Variants in GVQW3 observed in about 807,000 individuals in gnomAD.
GVQW3 encodes the protein GVQW motif containing 3, also known as protein GVQW3.
In GVQW3, 7 loss-of-function variants were observed where a neutral mutation model predicts 12.5. That is an observed-to-expected ratio of 0.56 (90% confidence interval 0.32 to 1.05). GVQW3 has a LOEUF of 1.05. GVQW3 is among the 50% of genes least tolerant of loss of function. The pLI, the probability that GVQW3 is intolerant of heterozygous loss-of-function variation, is 0.04. For synonymous variants in GVQW3, 71 were observed against 67.2 expected, an observed-to-expected ratio of 1.06 and a Z score of -0.28; for missense variants, 188 against 190.8, an observed-to-expected ratio of 0.99 and a Z score of 0.09.
At chr11:76,388,295 A>G (rs1030309168) in intron 1 of GVQW3, among the ~76,000 whole-genome samples, 2 of 152,234 alleles carry the variant, frequency 1.3e-5, no homozygotes, top group Non-Finnish European at 2.9e-5. Context: ...GCAAATATAT[A>G]TATGTATTAC....
intron 1 of GVQW3, 95 bp downstream of exon 1, chr11:76,382,388 G>A (rs1238259970): frequency 2.4e-6 from 2 of 820,136 alleles, no homozygotes; most frequent in Admixed American, 2.0e-5. Context: ...TACTCTGCCA[G>A]TCAGCTTCTG....
downstream of GVQW3, among the ~76,000 whole-genome samples, chr11:76,409,559 A>G (rs1212581494): frequency 3.3e-5 from 5 of 152,224 alleles, no homozygotes; most frequent in African/African-American, 9.7e-5. Context: ...AGGGAAATCT[A>G]TCCTGATTTC....
intron 1 of GVQW3, among the ~76,000 whole-genome samples, chr11:76,387,202 G>A (rs1240157807): frequency 3.3e-5 from 5 of 152,114 alleles, no homozygotes; most frequent in Non-Finnish European, 4.4e-5. Context: ...TTGGGAGGCC[G>A]AGGCGGGTGG....
rs1015839468 is a variant in GVQW3 at position 76,403,980 on chromosome 11, C to T, written c.*222C>T. 3 of 680,708 alleles carry T rather than the reference C, an allele frequency of 4.4e-6. No individual in the cohort carries two copies. The highest frequency in any genetic ancestry group is 1.8e-5 in the African/African-American group (1 of 56,542). 42.2% of individuals were successfully genotyped at this position (680,708 alleles called of 1,614,324 possible). Reference sequence around the variant, plus strand: ...TAGGGAGGGCTGCCTCTTCATTACTCGGTCTACCAATTCAAATGCTAATCT... The same window carrying T: ...TAGGGAGGGCTGCCTCTTCATTACTTGGTCTACCAATTCAAATGCTAATCT... On this transcript the variant is annotated 3_prime_UTR_variant, in exon 2 of 2. Transcript: ENST00000529331.
chr11:76,412,145 A>C (rs1399318350), downstream of GVQW3: 1 of 152,236 alleles, frequency 6.6e-6, no homozygotes, highest in African/African-American at 2.4e-5. Flanking sequence ...CACATGCCAG[A>C]CATTGTGTGA....
In GVQW3 at chr11:76,405,681, T is replaced by C. The variant is rs1947032514; in HGVS notation, c.*1923T>C. The C allele has an allele frequency of 6.6e-6, 1 of 152,284 alleles. No individual in the cohort carries two copies. Among genetic ancestry groups the C allele is most frequent in the Admixed American group, 6.6e-5 (1 of 15,266 alleles). 9.4% of individuals were successfully genotyped at this position (152,284 alleles called of 1,614,324 possible). A position where few individuals can be genotyped will look rare whatever the true frequency, so the allele number is the denominator to read the frequency against. ...GATGAAGAAAGAATAGGGAAGGAGATCAGATCAGTACTGTTGTCCAGGCTG... is the reference window on the plus strand; with the variant it reads ...GATGAAGAAAGAATAGGGAAGGAGACCAGATCAGTACTGTTGTCCAGGCTG... On this transcript the variant is annotated 3_prime_UTR_variant, in exon 2 of 2. Transcript: ENST00000529331.
chr11:76,385,750 G>T (rs961320900), intron 1 of GVQW3, among the ~76,000 whole-genome samples: 1 of 152,124 alleles, frequency 6.6e-6, no homozygotes, highest in African/African-American at 2.4e-5. Flanking sequence ...AAAGAAGCAG[G>T]GTGGGGTGAC....
intron 1 of GVQW3, among the ~76,000 whole-genome samples, chr11:76,385,109 T>C (rs143575629): frequency 6.6e-6 from 1 of 152,202 alleles, no homozygotes; most frequent in African/African-American, 2.4e-5. Flanking sequence ...GAGTGTAGAG[T>C]ACCAGAAGCT....
intron 1 of GVQW3, among the ~76,000 whole-genome samples, chr11:76,391,989 TTTACTGAA>T (rs1946897140): frequency 6.6e-6 from 1 of 152,138 alleles, no homozygotes; most frequent in Non-Finnish European, 1.5e-5. Flanking sequence ...TGAACGGTCA[TTTACTGAA>T]TTCCTTCTTC....
At position 76,381,734 on chromosome 11, in the gene GVQW3, A is replaced by G; in HGVS notation, c.-95A>G. 1.8e-6 allele frequency: 2 copies of G among 1,128,834 alleles called. No individual in the cohort carries two copies. The highest frequency in any genetic ancestry group is 2.4e-6 in the Non-Finnish European group (2 of 825,900). 69.9% of individuals were successfully genotyped at this position (1,128,834 alleles called of 1,614,324 possible). A position where few individuals can be genotyped will look rare whatever the true frequency, so the allele number is the denominator to read the frequency against. On this transcript the variant is annotated 5_prime_UTR_variant, in exon 1 of 2. Transcript: ENST00000529331. ...GGCTTCTAGAAGAGCAAGAAGAGCG[A>G]TATGATTACACCTGCAGCCCTATAA... is the stretch of plus-strand genomic sequence containing the variant.
Position 76,381,826 on chromosome 11 carries a change from A to C in GVQW3, c.-3A>C. On this transcript the variant is annotated 5_prime_UTR_variant, in exon 1 of 2. Transcript: ENST00000529331. ...AAACGTTCCTGTGTTGTTCAGTGCC[A>C]GAATGAGTGACCGCTATTTAGAACA... The C allele has an allele frequency of 6.6e-7, 1 of 1,524,308 alleles. No homozygotes were observed. Among genetic ancestry groups the C allele is most frequent in the Non-Finnish European group, 8.8e-7 (1 of 1,141,136 alleles). The allele number at this position is 1,524,308 out of a possible 1,614,324, so 94.4% of individuals were successfully genotyped here. A position where few individuals can be genotyped will look rare whatever the true frequency, so the allele number is the denominator to read the frequency against.
At position 76,404,741 on chromosome 11, in the gene GVQW3, A is replaced by C. The variant is rs939506998; in HGVS notation, c.*983A>C. 6.6e-6 allele frequency: 1 copy of C among 152,354 alleles called. No homozygotes were observed. Among genetic ancestry groups the C allele is most frequent in the African/African-American group, 2.4e-5 (1 of 41,486 alleles). The allele number at this position is 152,354 out of a possible 1,614,324, so 9.4% of individuals were successfully genotyped here. A position where few individuals can be genotyped will look rare whatever the true frequency, so the allele number is the denominator to read the frequency against. ...TGCTGGGTTTGGGCAATGTCTCAGC[A>C]GAGACTGGCATACTCTCAGGCTTTT... On this transcript the variant is annotated 3_prime_UTR_variant, in exon 2 of 2. Transcript: ENST00000529331.
At chr11:76,399,359 C>T (rs1395369455) in intron 1 of GVQW3, among the ~76,000 whole-genome samples, 1 of 152,118 alleles carries the variant, frequency 6.6e-6, no homozygotes, top group African/African-American at 2.4e-5. Context: ...CCAGGCTGAT[C>T]TCCAACTCCT....
chr11:76,408,045 A>G lies in GVQW3; in HGVS notation c.*4287A>G, dbSNP rs997174005. On this transcript the variant is annotated 3_prime_UTR_variant, in exon 2 of 2. Coordinates refer to ENST00000529331, the MANE Select transcript of GVQW3 (RefSeq NM_001347885.2). ...CTTGCTTCATTATGCTTTTATATATATAATTTTTCTTATTATAACAATAAA... is the reference window on the plus strand; with the variant it reads ...CTTGCTTCATTATGCTTTTATATATGTAATTTTTCTTATTATAACAATAAA... 1.2e-4 allele frequency: 18 copies of G among 152,118 alleles called. No homozygotes were observed. The highest frequency in any genetic ancestry group is 4.3e-4 in the African/African-American group (18 of 41,452). 9.4% of individuals were successfully genotyped at this position (152,118 alleles called of 1,614,324 possible).
In GVQW3 at chr11:76,399,786, C is replaced by T. The variant is rs539753158; in HGVS notation, c.466-3874C>T. Among the ~76,000 whole-genome samples the T allele has an allele frequency of 1.4e-4, 22 of 152,190 alleles. No homozygotes were observed. In the South Asian group the frequency reaches 4.6e-3, roughly 32 times the overall value. ...CTGCCTCCAGACTCAAACTGAAACA[C>T]CAGCTCTTTTTTTGGGTCTCAAGAT... On this transcript the variant is annotated intron_variant, in intron 1 of 1. Transcript: ENST00000529331.
chr11:76,402,568 A>G (rs1258753198), intron 1 of GVQW3, among the ~76,000 whole-genome samples: 1 of 151,342 alleles, frequency 6.6e-6, no homozygotes, highest in East Asian at 1.9e-4. Flanking sequence ...AAAAAAAAAG[A>G]TTTGCATTAT....
chr11:76,403,392 T>C (rs1371572344), intron 1 of GVQW3, among the ~76,000 whole-genome samples: 3 of 152,228 alleles, frequency 2.0e-5, no homozygotes, highest in African/African-American at 7.2e-5. Flanking sequence ...ATTTGCAAGC[T>C]GGAGCCCAGG....
At chr11:76,412,082 A>T (rs1032069108), downstream of GVQW3, 2 of 152,242 alleles carry the variant, frequency 1.3e-5, no homozygotes, top group African/African-American at 4.8e-5. Flanking sequence ...AGAAAGAGGA[A>T]GAACTCAACC....
chr11:76,389,807 A>G (rs1179056512), intron 1 of GVQW3: 1 of 152,188 alleles, frequency 6.6e-6, no homozygotes, highest in East Asian at 1.9e-4. Flanking sequence ...GTGGCTTTCG[A>G]TGTGCCAAGT....
Sources: gnomAD v4.1 joint callset for allele counts (sites outside exome capture counted in the v4.1 genomes callset) on GRCh38, gnomAD v4.1.1 for gene constraint, MANE v1.5 for transcripts, NCBI Gene and HGNC (gene_info 2026-07-23, HGNC 2026-07-21) for gene names.